Variants in ZFHX3 observed in about 807,000 individuals in gnomAD.
ZFHX3 encodes the protein zinc finger homeobox protein 3.
ZFHX3 carries 42 observed loss-of-function variants against 279.1 expected under a neutral mutation model. The observed-to-expected ratio is 0.15, with a 90% CI of 0.12 to 0.19. ZFHX3 has a LOEUF of 0.19. Ranked by LOEUF, ZFHX3 falls within the 10% of genes least tolerant of loss-of-function variation. ZFHX3 has a pLI of 1.00. For synonymous variants in ZFHX3, 2,293 were observed against 1,957.8 expected, an observed-to-expected ratio of 1.17 and a Z score of -4.52; for missense variants, 4,981 against 4,754.0, an observed-to-expected ratio of 1.05 and a Z score of -1.40.
intron 1 of ZFHX3, among the ~76,000 whole-genome samples, chr16:72,990,618 A>G (rs1252963662): frequency 6.6e-6 from 1 of 152,176 alleles, no homozygotes; most frequent in African/African-American, 2.4e-5. Context: ...TCCTCACTTT[A>G]AACGATTTTT....
intron 3 of ZFHX3, among the ~76,000 whole-genome samples, chr16:73,394,743 A>G (rs2017092721): frequency 6.6e-6 from 1 of 152,208 alleles, no homozygotes; most frequent in Non-Finnish European, 1.5e-5. Flanking sequence ...AGGCTTTGAC[A>G]TGGTCCCAAA....
chr16:73,779,144 T>A (rs1240054624), intron 1 of ZFHX3, among the ~76,000 whole-genome samples: 3 of 152,166 alleles, frequency 2.0e-5, no homozygotes, highest in Admixed American at 2.0e-4. Context: ...AACCAGCATA[T>A]GGCTATAGCA....
intron 5 of ZFHX3, among the ~76,000 whole-genome samples, chr16:72,814,077 T>C (rs910437222): frequency 1.7e-4 from 26 of 152,184 alleles, no homozygotes; most frequent in African/African-American, 6.3e-4. Context: ...GGTGAGGGCA[T>C]CAAATAATAC....
At chr16:73,170,821 C>G (rs1262577082) in intron 5 of ZFHX3, among the ~76,000 whole-genome samples, 1 of 152,042 alleles carries the variant, frequency 6.6e-6, no homozygotes, top group Admixed American at 6.6e-5. Flanking sequence ...TCATGGAAAC[C>G]TGAATTGGCT....
At chr16:73,474,709 G>A (rs1360779446) in intron 2 of ZFHX3, among the ~76,000 whole-genome samples, 1 of 152,104 alleles carries the variant, frequency 6.6e-6, no homozygotes, top group Non-Finnish European at 1.5e-5. Context: ...CCCTGCTCTG[G>A]AACTAGACTA....
chr16:73,879,901 G>A (rs1191114234), intron 1 of ZFHX3, among the ~76,000 whole-genome samples: 1 of 152,018 alleles, frequency 6.6e-6, no homozygotes. Flanking sequence ...AAGGAGGGGG[G>A]CAAAATTACA....
At chr16:73,713,967 A>G (rs1387539573) in intron 1 of ZFHX3, among the ~76,000 whole-genome samples, 3 of 152,322 alleles carry the variant, frequency 2.0e-5, no homozygotes, top group African/African-American at 7.2e-5. Flanking sequence ...AAGTACAGCC[A>G]GAGGAAGCAG....
chr16:73,541,070 C>A (rs981182453), intron 2 of ZFHX3, among the ~76,000 whole-genome samples: 1 of 152,222 alleles, frequency 6.6e-6, no homozygotes, highest in African/African-American at 2.4e-5. Flanking sequence ...CCAGGCCAGC[C>A]TGACCCAGAG....
chr16:73,768,056 A>G (rs1597105174), intron 1 of ZFHX3, among the ~76,000 whole-genome samples: 1 of 152,190 alleles, frequency 6.6e-6, no homozygotes, highest in Non-Finnish European at 1.5e-5. Flanking sequence ...GAAGGGTACC[A>G]GAAAGGATTC....
intron 3 of ZFHX3, among the ~76,000 whole-genome samples, chr16:73,432,194 C>G (rs2017922261): frequency 6.6e-6 from 1 of 152,136 alleles, no homozygotes; most frequent in South Asian, 2.1e-4. Flanking sequence ...AAATTTGATA[C>G]TAGGGATAGC....
intron 1 of ZFHX3, among the ~76,000 whole-genome samples, chr16:73,016,275 G>A (rs925144171): frequency 1.3e-5 from 2 of 152,100 alleles, no homozygotes. Flanking sequence ...AACATGAATT[G>A]TGTTTTGGTT....
At chr16:72,804,752 A>G (rs951378541) in intron 7 of ZFHX3, among the ~76,000 whole-genome samples, 8 of 152,090 alleles carry the variant, frequency 5.3e-5, no homozygotes, top group Admixed American at 1.3e-4. Context: ...TAGAATCTGG[A>G]GTTATAAGGA....
chr16:73,332,616 C>T (rs528553345), intron 3 of ZFHX3, among the ~76,000 whole-genome samples: 6 of 152,312 alleles, frequency 3.9e-5, no homozygotes, highest in African/African-American at 1.4e-4. Flanking sequence ...AAATCCTTTG[C>T]TGGCATGTAA....
At position 72,797,675 on chromosome 16, in the gene ZFHX3, G is replaced by T. The variant is rs376262884; in HGVS notation, c.5007C>A (p.Ser1669Arg). The T allele has an allele frequency of 6.2e-7, 1 of 1,614,070 alleles. No homozygotes were observed. Among genetic ancestry groups the T allele is most frequent in the African/African-American group, 1.3e-5 (1 of 74,924 alleles). ...GSNTFTTSNP[S>R]SAGIAPSSNL... ...TAGAGCTTGGAGCAATGCCAGCACT[G>T]CTTGGATTGGAGGTGGTAAAGGTGT... is the stretch of plus-strand genomic sequence containing the variant. The change falls in exon 9 of 10, where the codon AGC becomes AGA. Residue 1669 changes from serine to arginine, a missense_variant. Around this residue, in one of 7 missense-constraint regions of ZFHX3, gnomAD observed 1,751 missense variants for 1,770.0 expected, o/e 0.99. Coordinates refer to ENST00000268489, the MANE Select transcript of ZFHX3 (RefSeq NM_006885.4).
chr16:73,832,960 A>G (rs550269216), intron 1 of ZFHX3, among the ~76,000 whole-genome samples: 4 of 152,352 alleles, frequency 2.6e-5, no homozygotes, highest in South Asian at 4.1e-4. Context: ...TTTGTTTTCT[A>G]CATGAATGTC....
intron 3 of ZFHX3, among the ~76,000 whole-genome samples, chr16:73,366,553 G>A (rs2016532368): frequency 6.9e-6 from 1 of 143,996 alleles, no homozygotes; most frequent in South Asian, 2.3e-4. Flanking sequence ...GCAATGTAGT[G>A]AGACCCTCTC....
At chr16:73,532,530 A>G (rs779573569) in intron 2 of ZFHX3, among the ~76,000 whole-genome samples, 12 of 152,198 alleles carry the variant, frequency 7.9e-5, no homozygotes, top group Non-Finnish European at 1.5e-4. Context: ...GAAATCAGTC[A>G]TTCATTAGTT....
At chr16:73,624,244 G>A (rs1208167900) in intron 2 of ZFHX3, among the ~76,000 whole-genome samples, 2 of 151,958 alleles carry the variant, frequency 1.3e-5, no homozygotes, top group Non-Finnish European at 2.9e-5. Context: ...TTCCAAGAAA[G>A]GAAAAATACA....
chr16:73,874,973 T>C lies in ZFHX3; in HGVS notation c.-1608+16678A>G, dbSNP rs374611725. On this transcript the variant is annotated intron_variant, in intron 1 of 17. Coordinates refer to the ZFHX3 transcript ENST00000641206. ...ACAGTTGGCAACAGAGGCAGTTGTA[T>C]ATTCACTACATTGAAGAACGGTGAA... 2.3e-4 allele frequency among the ~76,000 whole-genome samples: 35 copies of C among 152,320 alleles called. 3 individuals carry two copies. Among genetic ancestry groups the C allele is most frequent in the Admixed American group, 1.6e-3 (24 of 15,298 alleles).
Sources: gnomAD v4.1 joint callset for allele counts (sites outside exome capture counted in the v4.1 genomes callset) on GRCh38, gnomAD v4.1.1 for gene constraint, gnomAD v4.1.1 regional missense constraint, MANE v1.5 for transcripts, NCBI Gene and HGNC (gene_info 2026-07-23, HGNC 2026-07-21) for gene names.